The following LEKR1 variants were observed in gnomAD, a reference collection of about 807,000 sequenced individuals.
LEKR1 encodes leucine, glutamate and lysine rich 1.
A neutral mutation model predicts 72.4 loss-of-function variants in LEKR1; 59 were observed. That is an observed-to-expected ratio of 0.82 (90% CI 0.66 to 1.01). The LOEUF (loss-of-function observed/expected upper bound fraction) is 1.01, where lower values mean the gene tolerates loss of function less well. LEKR1 is among the 50% of genes least tolerant of loss of function. The probability of loss-of-function intolerance (pLI) is 0.00; values close to 1 mark genes in which losing one functional copy is unlikely to be tolerated. For missense variants in LEKR1, 728 were observed against 759.2 expected, an observed-to-expected ratio of 0.96 and a Z score of 0.48; for synonymous variants, 257 against 263.2, an observed-to-expected ratio of 0.98 and a Z score of 0.23.
chr3:156,897,200 GA>G (rs1211540845), intron 3 of LEKR1, among the ~76,000 whole-genome samples: 1 of 152,162 alleles, frequency 6.6e-6, no homozygotes, highest in African/African-American at 2.4e-5. Flanking sequence ...AAGTTGGAAA[GA>G]AAAAATTCAT....
chr3:157,013,216 C>T (rs1223839533), intron 10 of LEKR1, among the ~76,000 whole-genome samples: 1 of 152,084 alleles, frequency 6.6e-6, no homozygotes, highest in African/African-American at 2.4e-5. Flanking sequence ...TCCTGAGCTC[C>T]TTCTCTTAGT....
At chr3:157,010,437 T>A (rs1001018274) in intron 9 of LEKR1, among the ~76,000 whole-genome samples, 3 of 152,032 alleles carry the variant, frequency 2.0e-5, no homozygotes, top group African/African-American at 7.2e-5. Context: ...GGAGATGATG[T>A]TTATTTTGGT....
chr3:156,994,257 T>C (rs1041573212), intron 9 of LEKR1, among the ~76,000 whole-genome samples: 2 of 151,976 alleles, frequency 1.3e-5, no homozygotes, highest in African/African-American at 4.8e-5. Context: ...GGGACCAGGG[T>C]AGTGGGTAGC....
chr3:156,847,601 A>G (rs1281865185), intron 2 of LEKR1, among the ~76,000 whole-genome samples: 1 of 152,232 alleles, frequency 6.6e-6, no homozygotes, highest in Non-Finnish European at 1.5e-5. Flanking sequence ...TAATTAGCTC[A>G]TATAGGCACT....
At chr3:156,992,847 A>G (rs937526322) in intron 8 of LEKR1, 117 bp downstream of exon 8, 6 of 336,132 alleles carry the variant, frequency 1.8e-5, no homozygotes, top group African/African-American at 1.3e-4. Flanking sequence ...GTTTACATAT[A>G]AAATACCTAA....
intron 5 of LEKR1, among the ~76,000 whole-genome samples, chr3:156,931,645 T>C (rs1270794583): frequency 1.3e-5 from 2 of 152,158 alleles, no homozygotes; most frequent in Admixed American, 1.3e-4. Context: ...AAGAAAACAA[T>C]TGAATATATT....
chr3:156,942,759 T>G lies in LEKR1; in HGVS notation c.745+45T>G, dbSNP rs919575635. 12 of 834,354 alleles carry G rather than the reference T, an allele frequency of 1.4e-5. No homozygotes were observed. The Admixed American group carries it at 1.7e-4, about 12-fold the overall frequency. 51.7% of individuals were successfully genotyped at this position (834,354 alleles called of 1,614,324 possible). On this transcript the variant is annotated intron_variant, in intron 6 of 12. Transcript: ENST00000356539. ...TGTTTTTGGTGACTAGTTATATAAG[T>G]ACATGAATAAATGTTTACATTTTTA...
chr3:157,030,260 G>C (rs560588667), intron 12 of LEKR1, among the ~76,000 whole-genome samples: 1 of 152,236 alleles, frequency 6.6e-6, no homozygotes, highest in South Asian at 2.1e-4. Context: ...AGGATCTGCT[G>C]CCATGATTCA....
At chr3:157,044,861 A>G (rs1735636854) in intron 12 of LEKR1, among the ~76,000 whole-genome samples, 1 of 152,192 alleles carries the variant, frequency 6.6e-6, no homozygotes, top group Admixed American at 6.5e-5. Flanking sequence ...TTTCAATCTT[A>G]TACTTCAAGC....
intron 10 of LEKR1, among the ~76,000 whole-genome samples, chr3:157,015,279 G>A (rs922962216): frequency 4.6e-5 from 7 of 152,112 alleles, no homozygotes; most frequent in African/African-American, 9.7e-5. Context: ...GAACACTGGC[G>A]ATCTACAAAA....
chr3:157,009,974 G>A (rs776650374), intron 9 of LEKR1, among the ~76,000 whole-genome samples: 1 of 151,906 alleles, frequency 6.6e-6, no homozygotes, highest in Non-Finnish European at 1.5e-5. Context: ...CAAAATTAAT[G>A]ACATAAAACT....
intron 12 of LEKR1, among the ~76,000 whole-genome samples, chr3:157,045,033 T>C (rs577839856): frequency 6.6e-6 from 1 of 152,360 alleles, no homozygotes; most frequent in Non-Finnish European, 1.5e-5. Context: ...TAAGAAGTCC[T>C]GAGTTCTAAC....
intron 6 of LEKR1, among the ~76,000 whole-genome samples, chr3:156,974,413 C>T (rs900603378): frequency 6.6e-6 from 1 of 152,080 alleles, no homozygotes; most frequent in Non-Finnish European, 1.5e-5. Context: ...ATGGATCATT[C>T]CCAAATGAAA....
chr3:157,027,112 A>G (rs1317841095), intron 11 of LEKR1, among the ~76,000 whole-genome samples: 2 of 152,186 alleles, frequency 1.3e-5, no homozygotes, highest in African/African-American at 2.4e-5. Flanking sequence ...CAGGTGCTCA[A>G]TAGTCAATAC....
intron 7 of LEKR1, 48 bp from the exon 8 acceptor site, chr3:156,992,605 T>A (rs1031097289): frequency 2.8e-6 from 1 of 354,004 alleles, no homozygotes; most frequent in Admixed American, 5.1e-5. Context: ...GAAAAACATA[T>A]ACTTTATTTT....
chr3:157,029,565 A>G lies in LEKR1; in HGVS notation c.1668+1163A>G, dbSNP rs76184131. ...CACAGACTTAGCAGTTATAATCTCC[A>G]GGGACTCAATTTTCTTTTAGTATTA... is the stretch of plus-strand genomic sequence containing the variant. On this transcript the variant is annotated intron_variant, in intron 12 of 12. Transcript: ENST00000356539. Among the ~76,000 whole-genome samples, 101 of 152,260 alleles carry G rather than the reference A, an allele frequency of 6.6e-4. 1 individual carries two copies. In the East Asian group the frequency reaches 0.017, roughly 26 times the overall value.
At chr3:156,920,515 G>A in intron 3 of LEKR1, 60 bp from the exon 4 acceptor site, 1 of 1,040,536 alleles carries the variant, frequency 9.6e-7, no homozygotes, top group South Asian at 1.6e-5. Context: ...ATATTTAAAT[G>A]TTAACTTGAA....
intron 9 of LEKR1, among the ~76,000 whole-genome samples, chr3:157,004,414 A>G (rs1286962590): frequency 1.3e-5 from 2 of 152,162 alleles, no homozygotes; most frequent in Admixed American, 6.5e-5. Flanking sequence ...AGCTGATAAA[A>G]CAAGTAATAG....
intron 3 of LEKR1, among the ~76,000 whole-genome samples, chr3:156,880,864 G>A (rs189102198): frequency 6.6e-6 from 1 of 152,266 alleles, no homozygotes; most frequent in African/African-American, 2.4e-5. Context: ...ATCAATAAAT[G>A]TAATCCAGCA....
Sources: allele counts gnomAD v4.1 joint callset (sites outside exome capture counted in the v4.1 genomes callset), GRCh38; gene constraint gnomAD v4.1.1; transcripts MANE v1.5; gene names NCBI Gene and HGNC (gene_info 2026-07-23, HGNC 2026-07-21).